The following MYO3A variants were observed in gnomAD, a reference collection of about 807,000 sequenced individuals.
MYO3A encodes the protein myosin-IIIa.
Under a neutral mutation model 192.7 loss-of-function variants are expected in MYO3A, and 180 were observed. That is an observed-to-expected ratio of 0.93 (90% CI 0.83 to 1.06). The LOEUF (loss-of-function observed/expected upper bound fraction) is 1.06. Among genes scored for constraint, MYO3A ranks in the 50% least tolerant of loss-of-function variants. MYO3A has a pLI of 0.00. For missense variants in MYO3A, 1,896 were observed against 1,905.0 expected (o/e 1.00, Z 0.09); for synonymous variants, 628 against 645.3 (o/e 0.97, Z 0.41).
chr10:26,198,130 A>G (rs764248570), intron 32 of MYO3A, among the ~76,000 whole-genome samples: 1 of 152,054 alleles, frequency 6.6e-6, no homozygotes, highest in Admixed American at 6.6e-5. Context: ...TTGTTTTGCT[A>G]TTTTTATAGT....
chr10:26,029,558 G>A (rs374292469), intron 10 of MYO3A, among the ~76,000 whole-genome samples: 4 of 151,632 alleles, frequency 2.6e-5, no homozygotes, highest in East Asian at 3.9e-4. Context: ...TATTTTTTTC[G>A]TGCTGATATC....
intron 10 of MYO3A, among the ~76,000 whole-genome samples, chr10:26,032,907 C>T (rs781467847): frequency 1.3e-5 from 2 of 152,142 alleles, no homozygotes; most frequent in Admixed American, 1.3e-4. Flanking sequence ...GGAACATATA[C>T]GCTTTTCCTT....
intron 6 of MYO3A, among the ~76,000 whole-genome samples, chr10:25,999,915 C>T (rs1169698187): frequency 2.0e-5 from 3 of 152,186 alleles, no homozygotes; most frequent in Non-Finnish European, 4.4e-5. Flanking sequence ...TGTTAGATAT[C>T]GCCAAATTCC....
chr10:25,952,962 T>C (rs373971571), intron 3 of MYO3A, among the ~76,000 whole-genome samples: 82 of 151,688 alleles, frequency 5.4e-4, no homozygotes, highest in African/African-American at 1.9e-3. Flanking sequence ...ACTACTGAGA[T>C]TCTATCTTCT....
intron 20 of MYO3A, among the ~76,000 whole-genome samples, 175 bp from the exon 21 acceptor site, chr10:26,143,273 G>A (rs1045999477): frequency 1.3e-5 from 2 of 152,160 alleles, no homozygotes; most frequent in African/African-American, 4.8e-5. Context: ...AGAGGTTGCA[G>A]TGAGCCTAGA....
intron 6 of MYO3A, among the ~76,000 whole-genome samples, chr10:26,005,270 C>T (rs1443400488): frequency 6.6e-6 from 1 of 152,002 alleles, no homozygotes; most frequent in African/African-American, 2.4e-5. Flanking sequence ...ATACAACAAA[C>T]CCAAATTCAG....
chr10:26,060,076 A>G (rs1029984349), intron 10 of MYO3A, among the ~76,000 whole-genome samples: 4 of 152,084 alleles, frequency 2.6e-5, no homozygotes, highest in Non-Finnish European at 1.5e-5. Flanking sequence ...TAACCAACGT[A>G]GAGAAACTCC....
chr10:25,940,780 G>A (rs562766838), intron 2 of MYO3A, among the ~76,000 whole-genome samples: 14 of 152,176 alleles, frequency 9.2e-5, no homozygotes, highest in Middle Eastern at 6.8e-3. Context: ...TGAAAAACCA[G>A]CAATCATTCC....
chr10:26,060,374 A>G (rs1402263219), intron 10 of MYO3A, among the ~76,000 whole-genome samples: 1 of 152,172 alleles, frequency 6.6e-6, no homozygotes, highest in Non-Finnish European at 1.5e-5. Context: ...ATGCTGAGGC[A>G]GGAGAATCGC....
At chr10:25,976,253 A>G (rs542471010) in intron 4 of MYO3A, among the ~76,000 whole-genome samples, 1 of 152,270 alleles carries the variant, frequency 6.6e-6, no homozygotes, top group South Asian at 2.1e-4. Context: ...GGCATTTGCT[A>G]AAGATTAGTG....
chr10:25,965,950 T>G (rs936891233), intron 4 of MYO3A, among the ~76,000 whole-genome samples: 23 of 138,158 alleles, frequency 1.7e-4, no homozygotes, highest in African/African-American at 6.1e-4. Flanking sequence ...TTCAGAACTG[T>G]TTTTTTTTTT....
At chr10:26,010,450 G>GTTTTTTTTTTTTTTTTTT (rs778349166) in intron 6 of MYO3A, among the ~76,000 whole-genome samples, 492 of 111,132 alleles carry the variant, frequency 4.4e-3, no homozygotes, top group Non-Finnish European at 5.2e-3. Context: ...CTAAGTAGTT[G>GTTTTTTTTTTTTTTTTTT]TTTTTTTTTT....
At chr10:26,034,141 T>G (rs1347837086) in intron 10 of MYO3A, among the ~76,000 whole-genome samples, 1 of 152,258 alleles carries the variant, frequency 6.6e-6, no homozygotes, top group Non-Finnish European at 1.5e-5. Flanking sequence ...GCAATAATTT[T>G]GGATTCATTT....
intron 2 of MYO3A, among the ~76,000 whole-genome samples, chr10:25,942,810 A>G (rs1161213536): frequency 6.6e-6 from 1 of 150,426 alleles, no homozygotes; most frequent in African/African-American, 2.4e-5. Context: ...TTTTAGTTGT[A>G]GAGTTATTTA....
intron 17 of MYO3A, among the ~76,000 whole-genome samples, chr10:26,119,985 GTC>G (rs1838754551): frequency 7.0e-6 from 1 of 142,524 alleles, no homozygotes; most frequent in African/African-American, 2.6e-5. Context: ...GCGAGATCCT[GTC>G]TCTATAAAAT....
chr10:25,970,529 G>A (rs1838569039), intron 4 of MYO3A, among the ~76,000 whole-genome samples: 1 of 151,414 alleles, frequency 6.6e-6, no homozygotes, highest in Admixed American at 6.6e-5. Flanking sequence ...GCCTTAAGAA[G>A]TTAATAAAAT....
intron 15 of MYO3A, among the ~76,000 whole-genome samples, chr10:26,089,533 G>A (rs1005923443): frequency 3.3e-5 from 5 of 151,754 alleles, no homozygotes; most frequent in Admixed American, 6.6e-5. Flanking sequence ...CCCAGGAGGC[G>A]GAGCTGGCAG....
intron 26 of MYO3A, among the ~76,000 whole-genome samples, chr10:26,164,678 T>C (rs1841645384): frequency 6.6e-6 from 1 of 152,144 alleles, no homozygotes; most frequent in Non-Finnish European, 1.5e-5. Flanking sequence ...GTGAAGATTT[T>C]CTCTGGCTGT....
intron 31 of MYO3A, among the ~76,000 whole-genome samples, chr10:26,189,228 C>T (rs375583937): frequency 6.6e-6 from 1 of 152,180 alleles, no homozygotes; most frequent in East Asian, 1.9e-4. Context: ...TTAAGGACAG[C>T]AGTCACATTA....
Sources: allele counts gnomAD v4.1 joint callset (sites outside exome capture counted in the v4.1 genomes callset), GRCh38; gene constraint gnomAD v4.1.1; transcripts MANE v1.5; gene names NCBI Gene and HGNC (gene_info 2026-07-23, HGNC 2026-07-21).